The following LRRC75B variants were observed in gnomAD, a reference collection of about 807,000 sequenced individuals.
The protein encoded by LRRC75B is leucine-rich repeat-containing protein 75B.
A neutral mutation model predicts 16.5 loss-of-function variants in LRRC75B; 20 were observed. The observed-to-expected ratio is 1.21, with a 90% CI of 0.85 to 1.76. The LOEUF is 1.76. Ranked by LOEUF, LRRC75B falls within the 40% of genes most tolerant of loss-of-function variation. The probability of loss-of-function intolerance (pLI) is 0.00; values close to 1 mark genes in which losing one functional copy is unlikely to be tolerated. For missense variants in LRRC75B, 406 were observed against 417.0 expected, an observed-to-expected ratio of 0.97 and a Z score of 0.23; for synonymous variants, 199 against 198.1, an observed-to-expected ratio of 1.00 and a Z score of -0.04.
Position 24,586,169 on chromosome 22 carries a change from C to T in LRRC75B, c.665G>A (p.Arg222Gln), listed in dbSNP as rs77407491. The change falls in exon 4 of 4, where the codon CGG becomes CAG. Residue 222 changes from arginine to glutamine, a missense_variant. By Grantham distance (43) the Arg-to-Gln change is conservative (BLOSUM62 1). Transcript: ENST00000318753. Reference protein sequence around the residue: ...QLLLNGNRLTRATARKLTDAI... With the variant: ...QLLLNGNRLTQATARKLTDAI... ...ATCAGTGAGCTTGCGGGCAGTGGCC[C>T]GCGTCAGTCGGTTGCCGTTGAGCAG... The T allele has an allele frequency of 1.8e-3, 2,832 of 1,613,574 alleles. 48 individuals carry two copies. The African/African-American group carries it at 0.031, about 18-fold the overall frequency.
intron 2 of LRRC75B, chr22:24,589,267 T>G: frequency 7.9e-7 from 1 of 1,261,144 alleles, no homozygotes; most frequent in South Asian, 1.3e-5. Context: ...TCTGGGCAGC[T>G]GTGGGGTGGA....
At position 24,587,271 on chromosome 22, in the gene LRRC75B, G is replaced by A. The variant is rs540992841; in HGVS notation, c.423-860C>T. Among the ~76,000 whole-genome samples the A allele has an allele frequency of 1.1e-3, 172 of 152,322 alleles. 1 individual carries two copies. Among genetic ancestry groups the A allele is most frequent in the Admixed American group, 3.9e-3 (60 of 15,300 alleles). On this transcript the variant is annotated intron_variant, in intron 3 of 3. Transcript: ENST00000318753. ...GGGAGGTCCTGGGTGTGCAGGCTGG[G>A]GGCCGGCCATGAGGGAGGGCTCCCC...
chr22:24,586,264 C>T lies in LRRC75B; in HGVS notation c.570G>A (p.Thr190=), dbSNP rs369496594. 1.1e-4 allele frequency: 179 copies of T among 1,613,864 alleles called. No individual in the cohort carries two copies. Among genetic ancestry groups the T allele is most frequent in the African/African-American group, 3.6e-4 (27 of 75,074 alleles). ...GGTGCAGCAGCTCATCACTCAGCCC[C>T]GTGAAGCTCAGGTCCAGCACCGCCA... is the stretch of plus-strand genomic sequence containing the variant. ...AVLAVLDLSF[T]GLSDELLHLL... The change falls in exon 4 of 4, where the codon ACG becomes ACA. Residue 190 remains threonine, a synonymous_variant. Coordinates refer to ENST00000318753, the MANE Select transcript of LRRC75B (RefSeq NM_207644.3).
chr22:24,586,773 TGACC>T (rs2045407791), intron 3 of LRRC75B, among the ~76,000 whole-genome samples: 1 of 152,222 alleles, frequency 6.6e-6, no homozygotes, highest in Non-Finnish European at 1.5e-5. Flanking sequence ...TCAGGTGATC[TGACC>T]GCCTCAGCCT....
Position 24,586,208 on chromosome 22 carries a change from C to T in LRRC75B, c.626G>A (p.Arg209His), listed in dbSNP as rs367928623. 165 of 1,613,528 alleles carry T rather than the reference C, an allele frequency of 1.0e-4. No individual in the cohort carries two copies. Among genetic ancestry groups the T allele is most frequent in the Admixed American group, 2.3e-4 (14 of 59,990 alleles). ...LLLPSLWALP[R>H]LTQLLLNGNR... ...GCCGTTGAGCAGGAGCTGGGTGAGG[C>T]GGGGCAGCGCCCACAGGCTGGGCAG... The change falls in exon 4 of 4, where the codon CGC becomes CAC. Residue 209 changes from arginine to histidine, a missense_variant. Transcript: ENST00000318753.
intron 2 of LRRC75B, chr22:24,589,459 A>G (rs2045501495): frequency 1.3e-6 from 1 of 795,196 alleles, no homozygotes; most frequent in African/African-American, 1.9e-5. Flanking sequence ...AGAGGCTAGG[A>G]GTTTGTTTCC....
intron 3 of LRRC75B, among the ~76,000 whole-genome samples, chr22:24,587,200 T>C (rs1458908580): frequency 6.6e-6 from 1 of 152,130 alleles, no homozygotes; most frequent in African/African-American, 2.4e-5. Flanking sequence ...TATTAGGCTG[T>C]ACAGGGCACC....
At chr22:24,588,097 G>A in intron 3 of LRRC75B, 117 bp downstream of exon 3, 1 of 792,410 alleles carries the variant, frequency 1.3e-6, no homozygotes, top group East Asian at 2.6e-5. Flanking sequence ...TGCGGACCAG[G>A]TGAGGGCCTC....
intron 1 of LRRC75B, among the ~76,000 whole-genome samples, chr22:24,591,380 A>G (rs929061014): frequency 6.6e-6 from 1 of 152,248 alleles, no homozygotes; most frequent in African/African-American, 2.4e-5. Flanking sequence ...CATCTGGCCC[A>G]GAGGGTCTCT....
At chr22:24,590,983 C>T (rs1010158591) in intron 1 of LRRC75B, among the ~76,000 whole-genome samples, 4 of 152,264 alleles carry the variant, frequency 2.6e-5, no homozygotes, top group Non-Finnish European at 4.4e-5. Flanking sequence ...CTCACCCCAC[C>T]GCCTGCATAG....
rs554181151 is a variant in LRRC75B, at chr22:24,590,268, T to C, written c.178-319A>G. 4.6e-5 allele frequency among the ~76,000 whole-genome samples: 7 copies of C among 152,240 alleles called. No individual in the cohort carries two copies. In the East Asian group the frequency reaches 1.4e-3, roughly 29 times the overall value. ...TCAGCCTCCTGAGGAGCTGGGGCTA[T>C]AGACAGGCACCACTATGCTCAGCTA... On this transcript the variant is annotated intron_variant, in intron 1 of 3. Transcript: ENST00000318753.
chr22:24,589,575 G>A (rs1007085489), intron 2 of LRRC75B: 1 of 514,138 alleles, frequency 1.9e-6, no homozygotes, highest in Non-Finnish European at 3.2e-6. Context: ...GCACAGTGCT[G>A]CCACACAGAA....
At position 24,585,833 on chromosome 22, in the gene LRRC75B, CAT is replaced by C. The variant is rs780543821; in HGVS notation, c.*51_*52del. ...CTCCTTGACCTTCATCGCCCACTAT[CAT>C]GTGCTTGAGAGCATCACAAGTCAGT... is the stretch of plus-strand genomic sequence containing the variant. On this transcript the variant is annotated 3_prime_UTR_variant, in exon 4 of 4. Transcript: ENST00000318753. The C allele has an allele frequency of 4.5e-5, 67 of 1,475,308 alleles. No individual in the cohort carries two copies. The highest frequency in any genetic ancestry group is 3.6e-4 in the Middle Eastern group (2 of 5,508). The allele number at this position is 1,475,308 out of a possible 1,614,324, so 91.4% of individuals were successfully genotyped here.
At chr22:24,588,410 C>T in intron 2 of LRRC75B, 81 bp from the exon 3 acceptor site, 1 of 1,115,698 alleles carries the variant, frequency 9.0e-7, no homozygotes, top group Non-Finnish European at 1.3e-6. Context: ...ACCCAGGCAG[C>T]CAAGTGTGTG....
chr22:24,588,432 T>C (rs1422410244), intron 2 of LRRC75B, 103 bp from the exon 3 acceptor site: 6 of 897,826 alleles, frequency 6.7e-6, no homozygotes, highest in African/African-American at 4.9e-5. Flanking sequence ...GTGAGCACAG[T>C]CATGCACCAT....
chr22:24,588,371 C>T, intron 2 of LRRC75B, 42 bp from the exon 3 acceptor site: 1 of 1,489,686 alleles, frequency 6.7e-7, no homozygotes, highest in Non-Finnish European at 9.3e-7. Flanking sequence ...TGAGCCCCTC[C>T]TGCCCACCTC....
At position 24,589,842 on chromosome 22, in the gene LRRC75B, C is replaced by G. The variant is rs1386311452; in HGVS notation, c.285G>C (p.Arg95=). 1.2e-6 allele frequency: 2 copies of G among 1,613,562 alleles called. No individual in the cohort carries two copies. Among genetic ancestry groups the G allele is most frequent in the Non-Finnish European group, 8.5e-7 (1 of 1,179,806 alleles). ...ISHDLLVNLA[R]DLQCPKKDYE... ...TCACCTTCTTGGGGCACTGCAGGTC[C>G]CGGGCCAGGTTCACAAGCAGGTCAT... The change falls in exon 2 of 4, where the codon CGG becomes CGC. Residue 95 remains arginine, a synonymous_variant. Coordinates refer to ENST00000318753, the MANE Select transcript of LRRC75B (RefSeq NM_207644.3).
chr22:24,588,113 G>A, intron 3 of LRRC75B, 101 bp downstream of exon 3: 4 of 916,954 alleles, frequency 4.4e-6, no homozygotes, highest in South Asian at 3.0e-5. Context: ...GCCTCACCAG[G>A]TGGGATTTCA....
Position 24,588,229 on chromosome 22 carries a change from C to CT in LRRC75B, c.406dup (p.Arg136LysfsTer59). On this transcript the variant is annotated frameshift_variant, in exon 3 of 4. Coordinates refer to ENST00000318753, the MANE Select transcript of LRRC75B (RefSeq NM_207644.3). LOFTEE classifies it low-confidence loss of function (END_TRUNC). ...CTACCCTTACCAGCTCTGGGTCTTC[C>CT]TCTGGCGCAGGCTGGACCCTTGCTG... is the stretch of plus-strand genomic sequence containing the variant. 1 of 1,612,928 alleles carries CT rather than the reference C, an allele frequency of 6.2e-7. No homozygotes were observed. Among genetic ancestry groups the CT allele is most frequent in the East Asian group, 2.2e-5 (1 of 44,882 alleles).
Sources: allele counts gnomAD v4.1 joint callset (sites outside exome capture counted in the v4.1 genomes callset), GRCh38; gene constraint gnomAD v4.1.1; transcripts MANE v1.5; gene names NCBI Gene and HGNC (gene_info 2026-07-23, HGNC 2026-07-21).